The following HMGN3 variants were observed in gnomAD, a reference collection of about 807,000 sequenced individuals.
HMGN3 encodes high mobility group nucleosomal binding domain 3, also known as high mobility group nucleosome-binding domain-containing protein 3.
In HMGN3, 6 loss-of-function variants were observed where a neutral mutation model predicts 18.8. That is an observed-to-expected ratio of 0.32 (90% CI 0.18 to 0.63). The LOEUF (loss-of-function observed/expected upper bound fraction) is 0.63. Among genes scored for constraint, HMGN3 ranks in the 30% least tolerant of loss-of-function variants. The pLI, the probability that HMGN3 is intolerant of heterozygous loss-of-function variation, is 0.79. For missense variants in HMGN3, 107 were observed against 114.2 expected, an observed-to-expected ratio of 0.94 and a Z score of 0.29; for synonymous variants, 40 against 36.5, an observed-to-expected ratio of 1.10 and a Z score of -0.35.
intron 2 of HMGN3, among the ~76,000 whole-genome samples, chr6:79,213,959 C>T (rs908553942): frequency 2.6e-5 from 4 of 152,154 alleles, no homozygotes; most frequent in Non-Finnish European, 5.9e-5. Flanking sequence ...GAATGGTTGT[C>T]ATCAAAGTTA....
intron 1 of HMGN3, among the ~76,000 whole-genome samples, chr6:79,223,906 G>A (rs1266232270): frequency 6.6e-6 from 1 of 151,986 alleles, no homozygotes; most frequent in Non-Finnish European, 1.5e-5. Flanking sequence ...TCACTCACCT[G>A]ACTAACTTAG....
intron 2 of HMGN3, among the ~76,000 whole-genome samples, chr6:79,209,330 T>C (rs1287144724): frequency 6.6e-6 from 1 of 152,232 alleles, no homozygotes; most frequent in Non-Finnish European, 1.5e-5. Flanking sequence ...AGAACTGTCC[T>C]AGGCATTTCA....
chr6:79,219,667 T>A, intron 1 of HMGN3, among the ~76,000 whole-genome samples: 1 of 152,242 alleles, frequency 6.6e-6, no homozygotes, highest in Non-Finnish European at 1.5e-5. Flanking sequence ...TAAAAAAGCA[T>A]AAAAACAGGT....
In HMGN3 at chr6:79,202,170, C is replaced by A; in HGVS notation, c.261+106G>T. 1 of 1,599,634 alleles carries A rather than the reference C, an allele frequency of 6.3e-7. No homozygotes were observed. The highest frequency in any genetic ancestry group is 8.5e-7 in the Non-Finnish European group (1 of 1,176,980). ...GAGATGTGGATCTGCAATAACATTACAGGCAATAAAAAGAGACATTAAGAA... is the reference window on the plus strand; with the variant it reads ...GAGATGTGGATCTGCAATAACATTAAAGGCAATAAAAAGAGACATTAAGAA... On this transcript the variant is annotated intron_variant, in intron 5 of 5. Transcript: ENST00000344726.
In HMGN3 at chr6:79,214,448, G is replaced by A. The variant is rs186754763; in HGVS notation, c.66+524C>T. Among the ~76,000 whole-genome samples the A allele has an allele frequency of 2.7e-3, 417 of 152,158 alleles. 1 individual carries two copies. The highest frequency in any genetic ancestry group is 4.7e-3 in the Non-Finnish European group (321 of 67,998). On this transcript the variant is annotated intron_variant, in intron 2 of 5. Transcript: ENST00000344726. ...TATCTCCTGACCTCGTGATCCGCCC[G>A]CCTCGGCCACCCAAAATGCTGGGAT...
At chr6:79,206,007 G>C (rs1381425868) in intron 3 of HMGN3, among the ~76,000 whole-genome samples, 1 of 152,188 alleles carries the variant, frequency 6.6e-6, no homozygotes, top group Non-Finnish European at 1.5e-5. Flanking sequence ...CTTTGAATTT[G>C]AGAGAGATGA....
At chr6:79,217,752 A>G (rs1229903851) in intron 1 of HMGN3, among the ~76,000 whole-genome samples, 1 of 152,242 alleles carries the variant, frequency 6.6e-6, no homozygotes, top group African/African-American at 2.4e-5. Context: ...AGGAAGGAAG[A>G]GAGCATGGTT....
chr6:79,214,943 TA>T, intron 2 of HMGN3, 28 bp downstream of exon 2: 1 of 1,204,854 alleles, frequency 8.3e-7, no homozygotes, highest in Non-Finnish European at 1.2e-6. Flanking sequence ...TGTAAATAAT[TA>T]AATATAGGAT....
At chr6:79,223,286 C>T (rs1048812815) in intron 1 of HMGN3, among the ~76,000 whole-genome samples, 1 of 152,050 alleles carries the variant, frequency 6.6e-6, no homozygotes, top group Non-Finnish European at 1.5e-5. Context: ...TCGAGGCAGG[C>T]GGATCATGAG....
chr6:79,204,535 C>T (rs11752249), intron 3 of HMGN3, among the ~76,000 whole-genome samples: 128,949 of 152,138 alleles, frequency 0.85, 55,386 homozygotes, highest in East Asian at 1. Context: ...TATTTTAGGG[C>T]AAATATTTCT....
At chr6:79,211,011 CAAAAAAAAAA>C (rs59749044) in intron 2 of HMGN3, among the ~76,000 whole-genome samples, 10 of 89,746 alleles carry the variant, frequency 1.1e-4, no homozygotes, top group Non-Finnish European at 1.1e-4. Context: ...GAAATTAATG[CAAAAAAAAAA>C]AAAAAAAAAA....
chr6:79,212,963 G>A (rs1158697730), intron 2 of HMGN3, among the ~76,000 whole-genome samples: 1 of 151,846 alleles, frequency 6.6e-6, no homozygotes, highest in Non-Finnish European at 1.5e-5. Context: ...TCTGGCCTTG[G>A]CTTAAATGAC....
At chr6:79,215,340 G>A (rs1028373490) in intron 1 of HMGN3, among the ~76,000 whole-genome samples, 1 of 152,202 alleles carries the variant, frequency 6.6e-6, no homozygotes, top group Non-Finnish European at 1.5e-5. Context: ...AGGGGCCAGA[G>A]GTCAGTGGCA....
chr6:79,233,966 G>A (rs1276574821), intron 1 of HMGN3: 1 of 152,538 alleles, frequency 6.6e-6, no homozygotes, highest in African/African-American at 2.4e-5. Context: ...GCCGGCCCCA[G>A]CCCTGATTGA....
chr6:79,202,321 C>T (rs751387543), exon 5 of HMGN3: 6 of 1,614,036 alleles, frequency 3.7e-6, no homozygotes, highest in South Asian at 2.2e-5. Context: ...CAGTACCTTC[C>T]TTTCCAGCTT....
At chr6:79,226,237 G>A (rs1777561398) in intron 1 of HMGN3, among the ~76,000 whole-genome samples, 1 of 152,162 alleles carries the variant, frequency 6.6e-6, no homozygotes, top group African/African-American at 2.4e-5. Context: ...AGGGTTCACT[G>A]GTTAAGATCA....
At chr6:79,224,165 C>T (rs539351329) in intron 1 of HMGN3, among the ~76,000 whole-genome samples, 7 of 152,202 alleles carry the variant, frequency 4.6e-5, no homozygotes, top group African/African-American at 1.7e-4. Flanking sequence ...ATAACTTGCC[C>T]AAGATTAGTC....
chr6:79,208,639 T>TA, intron 2 of HMGN3, 63 bp from the exon 3 acceptor site: 1 of 1,232,790 alleles, frequency 8.1e-7, no homozygotes, highest in Non-Finnish European at 1.2e-6. Context: ...AGTTGATTTT[T>TA]AAAAATCTAT....
intron 1 of HMGN3, among the ~76,000 whole-genome samples, chr6:79,221,849 C>T (rs1777301689): frequency 1.0e-5 from 1 of 96,084 alleles, no homozygotes; most frequent in Non-Finnish European, 2.3e-5. Context: ...AGTGTTGGAC[C>T]TTTCTTATGT....
Sources: gnomAD v4.1 joint callset for allele counts (sites outside exome capture counted in the v4.1 genomes callset) on GRCh38, gnomAD v4.1.1 for gene constraint, MANE v1.5 for transcripts, NCBI Gene and HGNC (gene_info 2026-07-23, HGNC 2026-07-21) for gene names.